Variants in PYGM observed in about 807,000 individuals in gnomAD.
The protein encoded by PYGM is glycogen phosphorylase, muscle associated.
Under a neutral mutation model 99.3 loss-of-function variants are expected in PYGM, and 81 were observed. The observed-to-expected ratio is 0.82, with a 90% CI of 0.68 to 0.98. The LOEUF (loss-of-function observed/expected upper bound fraction) is 0.98, where lower values mean the gene tolerates loss of function less well. PYGM is among the 50% of genes least tolerant of loss of function. The pLI, the probability that PYGM is intolerant of heterozygous loss-of-function variation, is 0.00. For missense variants in PYGM, 1,030 were observed against 1,158.1 expected, an observed-to-expected ratio of 0.89 and a Z score of 1.61; for synonymous variants, 436 against 451.5, an observed-to-expected ratio of 0.97 and a Z score of 0.44.
rs571244371 is a variant in PYGM at position 64,754,034 on chromosome 11, C to T, written c.1093-9G>A. ...ACTGTCACATCCCACGCCTGGCACA[C>T]GGGGTGGGCAGTCAGGATGCTGACC... On this transcript the variant is annotated splice_polypyrimidine_tract_variant and intron_variant, in intron 9 of 19. Coordinates refer to ENST00000164139, the MANE Select transcript of PYGM (RefSeq NM_005609.4). The surrounding 1 kb of genome is among the most constrained non-coding windows in gnomAD (Gnocchi z 5.5). 26 of 1,597,776 alleles carry T rather than the reference C, an allele frequency of 1.6e-5. No individual in the cohort carries two copies. The highest frequency in any genetic ancestry group is 2.7e-5 in the African/African-American group (2 of 74,682).
Position 64,754,675 on chromosome 11 carries a change from C to A in PYGM, c.999+18G>T. 1.9e-6 allele frequency: 3 copies of A among 1,612,506 alleles called. No homozygotes were observed. The highest frequency in any genetic ancestry group is 2.5e-6 in the Non-Finnish European group (3 of 1,179,736). On this transcript the variant is annotated intron_variant, in intron 8 of 19. Transcript: ENST00000164139. The surrounding 1 kb of genome is among the most constrained non-coding windows in gnomAD (Gnocchi z 5.5). ...ACACACTGTCCGGTCACAGAGTCGCCCTCCACACGCATGGTACCTTATCTG... is the reference window on the plus strand; with the variant it reads ...ACACACTGTCCGGTCACAGAGTCGCACTCCACACGCATGGTACCTTATCTG...
At chr11:64,757,142 C>T (rs774926513) in intron 5 of PYGM, among the ~76,000 whole-genome samples, 13 of 151,768 alleles carry the variant, frequency 8.6e-5, no homozygotes, top group Admixed American at 4.6e-4. Context: ...AGGCTGGTCT[C>T]GAACTCCTGA....
chr11:64,755,034 G>A lies in PYGM; in HGVS notation c.856-198C>T, dbSNP rs1002833550. On this transcript the variant is annotated intron_variant, in intron 7 of 19. Transcript: ENST00000164139. This position sits in a 1 kb window ranked among gnomAD's most constrained non-coding sequence, Gnocchi z 4.1. ...TGTCAGGAAGAGGGGTACAAGAACC[G>A]AGTGTGTTGTGGGTGTCGCCAGGGA... Among the ~76,000 whole-genome samples, 4 of 152,098 alleles carry A rather than the reference G, an allele frequency of 2.6e-5. No individual in the cohort carries two copies. Among genetic ancestry groups the A allele is most frequent in the Non-Finnish European group, 5.9e-5 (4 of 68,000 alleles).
chr11:64,756,806 T>C (rs961346877), intron 5 of PYGM, among the ~76,000 whole-genome samples: 1 of 152,118 alleles, frequency 6.6e-6, no homozygotes, highest in African/African-American at 2.4e-5. Flanking sequence ...TTTTTGGTCT[T>C]TTTGCTTTTT....
chr11:64,756,431 T>G (rs2058394693), intron 5 of PYGM, among the ~76,000 whole-genome samples: 1 of 152,234 alleles, frequency 6.6e-6, no homozygotes, highest in East Asian at 1.9e-4. Context: ...GCAGGAAGAT[T>G]GCCTGAACTG....
In PYGM at chr11:64,753,094, C is replaced by G; in HGVS notation, c.1497G>C (p.Gly499=). 1 of 1,613,640 alleles carries G rather than the reference C, an allele frequency of 6.2e-7. No homozygotes were observed. Among genetic ancestry groups the G allele is most frequent in the Non-Finnish European group, 8.5e-7 (1 of 1,179,544 alleles). ...TCACCTCAGCAATGACCTCTGCCAG[C>G]CCGGGGTTACACAGAACCAGCCAGC... The part of the protein sequence containing the change: ...PRRWLVLCNP[G]LAEVIAERIG... Residue 499 remains glycine (G), a synonymous_variant, in exon 12 of 20, where the codon GGG becomes GGC. Coordinates refer to ENST00000164139, the MANE Select transcript of PYGM (RefSeq NM_005609.4).
chr11:64,750,543 C>T lies in PYGM; in HGVS notation c.2010G>A (p.Ala670=), dbSNP rs774235610. Residue 670 remains alanine, a synonymous_variant, in exon 17 of 20, where the codon GCG becomes GCA. Transcript: ENST00000164139. Reference sequence around the variant, plus strand: ...TGCCGGTGCCTGAGGCTTCAGTGCCCGCAGTGGAGATCTGCTCAGAGAGGT... The same window carrying T: ...TGCCGGTGCCTGAGGCTTCAGTGCCTGCAGTGGAGATCTGCTCAGAGAGGT... The part of the protein sequence containing the change: ...AADLSEQIST[A]GTEASGTGNM... 41 of 1,613,916 alleles carry T rather than the reference C, an allele frequency of 2.5e-5. No homozygotes were observed. The highest frequency in any genetic ancestry group is 3.2e-5 in the Non-Finnish European group (38 of 1,180,006).
intron 14 of PYGM, 115 bp from the exon 15 acceptor site, chr11:64,751,770 C>G (rs996326440): frequency 1.7e-5 from 26 of 1,516,056 alleles, no homozygotes; most frequent in Non-Finnish European, 2.4e-5. Context: ...TTGCTATGCT[C>G]TCTTAGCCTC....
At chr11:64,748,164 C>T (rs868764699) in intron 17 of PYGM, 1 of 152,880 alleles carries the variant, frequency 6.5e-6, no homozygotes, top group African/African-American at 2.4e-5. Context: ...CCCACAAAAT[C>T]TCTAATCCCT....
At chr11:64,756,751 C>T (rs1339039735) in intron 5 of PYGM, among the ~76,000 whole-genome samples, 2 of 152,136 alleles carry the variant, frequency 1.3e-5, no homozygotes, top group East Asian at 3.9e-4. Flanking sequence ...CCACGCCCGG[C>T]CTAAACTGGG....
intron 19 of PYGM, 47 bp downstream of exon 19, chr11:64,746,874 A>G: frequency 6.2e-7 from 1 of 1,614,020 alleles, no homozygotes; most frequent in Non-Finnish European, 8.5e-7. Flanking sequence ...CCTCATCCCA[A>G]CCAGGGCCAC....
chr11:64,746,989 T>G lies in PYGM; in HGVS notation c.2313-2A>C. The G allele has an allele frequency of 6.2e-7, 1 of 1,614,084 alleles. No individual in the cohort carries two copies. The highest frequency in any genetic ancestry group is 8.5e-7 in the Non-Finnish European group (1 of 1,179,948). On this transcript the variant is annotated splice_acceptor_variant, in intron 18 of 19. Coordinates refer to ENST00000164139, the MANE Select transcript of PYGM (RefSeq NM_005609.4). LOFTEE classifies it high-confidence loss of function. ...TCATAATCTGCGAAGACTTTAAACC[T>G]GGAGGGGAAAGGATAGGCATGTGCT...
intron 1 of PYGM, among the ~76,000 whole-genome samples, chr11:64,759,226 C>G (rs1025180442): frequency 3.9e-4 from 59 of 152,124 alleles, no homozygotes; most frequent in Non-Finnish European, 7.2e-4. Flanking sequence ...CCCTCCCCCA[C>G]TCCCCACCGA....
Position 64,747,067 on chromosome 11 carries a change from C to A in PYGM, c.2313-80G>T, listed in dbSNP as rs1032071844. 3.2e-6 allele frequency: 5 copies of A among 1,579,886 alleles called. No individual in the cohort carries two copies. In the Admixed American group the frequency reaches 8.4e-5, roughly 26 times the overall value. ...TATGAGGTCAAGGGCCAAGCCTGCCCTGTCCCAGTGGACAGCCGGGGACCT... is the reference window on the plus strand; with the variant it reads ...TATGAGGTCAAGGGCCAAGCCTGCCATGTCCCAGTGGACAGCCGGGGACCT... On this transcript the variant is annotated intron_variant, in intron 18 of 19. Transcript: ENST00000164139.
chr11:64,760,075 T>C, upstream of PYGM: 2 of 1,018,592 alleles, frequency 2.0e-6, no homozygotes, highest in East Asian at 2.6e-5. Context: ...CAGGGAGCTA[T>C]TTTGAGGGCA....
intron 5 of PYGM, 136 bp downstream of exon 5, chr11:64,757,642 AC>A: frequency 7.5e-7 from 1 of 1,326,652 alleles, no homozygotes; most frequent in Non-Finnish European, 1.0e-6. Context: ...CAGCTGTGTG[AC>A]TTTGAGTAAG....
chr11:64,747,277 G>C lies in PYGM; in HGVS notation c.2259C>G (p.Pro753=). Residue 753 remains proline (P), a synonymous_variant, in exon 18 of 20, where the codon CCC becomes CCG. Coordinates refer to ENST00000164139, the MANE Select transcript of PYGM (RefSeq NM_005609.4). ...IEQLSSGFFS[P]KQPDLFKDIV... is the part of the protein sequence containing the mutation. ...TGTCCTTGAACAGGTCGGGCTGTTT[G>C]GGGGAGAAGAAGCCACTGCTCAGCT... 2 of 1,614,156 alleles carry C rather than the reference G, an allele frequency of 1.2e-6. No homozygotes were observed. Among genetic ancestry groups the C allele is most frequent in the East Asian group, 2.2e-5 (1 of 44,892 alleles).
chr11:64,753,494 G>A (rs1340850925), intron 11 of PYGM, 25 bp downstream of exon 11: 4 of 1,564,854 alleles, frequency 2.6e-6, no homozygotes, highest in South Asian at 2.3e-5. Context: ...CTAGAGAGGG[G>A]CGGGATCTGG....
chr11:64,760,198 C>T (rs767666849), upstream of PYGM: 58 of 423,048 alleles, frequency 1.4e-4, no homozygotes, highest in Non-Finnish European at 2.4e-4. Context: ...TGCACATGGT[C>T]TTCTGTCCCT....
Sources: gnomAD v4.1 joint callset for allele counts (sites outside exome capture counted in the v4.1 genomes callset) on GRCh38, gnomAD v4.1.1 for gene constraint, Gnocchi (gnomAD v3.1) non-coding constraint, MANE v1.5 for transcripts, NCBI Gene and HGNC (gene_info 2026-07-23, HGNC 2026-07-21) for gene names.